MANEA: variants seen among roughly 807,000 people sequenced by gnomAD.
MANEA encodes the protein mannosidase endo-alpha.
Under a neutral mutation model 36.8 loss-of-function variants are expected in MANEA, and 25 were observed. The ratio of observed to expected loss-of-function variants is 0.68; its 90% CI spans 0.50 to 0.95. The LOEUF is 0.95. Ranked by LOEUF, MANEA falls within the 40% of genes least tolerant of loss-of-function variation. The pLI is 0.00. For synonymous variants in MANEA, 198 were observed against 188.5 expected (o/e 1.05, Z -0.41); for missense variants, 565 against 558.8 (o/e 1.01, Z -0.11).
intron 3 of MANEA, among the ~76,000 whole-genome samples, chr6:95,600,006 A>C (rs569714867): frequency 3.9e-5 from 6 of 152,324 alleles, no homozygotes. Flanking sequence ...GCCCTGCCAA[A>C]ATCCTGGAAG....
At chr6:95,588,152 G>T (rs1242968646) in intron 2 of MANEA, 1 of 151,960 alleles carries the variant, frequency 6.6e-6, no homozygotes, top group East Asian at 1.9e-4. Flanking sequence ...TGTTAATATA[G>T]TCTTTGTAAA....
chr6:95,608,810 G>A lies in MANEA; in HGVS notation c.*2405G>A, dbSNP rs962888609. 1.8e-4 allele frequency: 27 copies of A among 151,648 alleles called. No individual in the cohort carries two copies. The highest frequency in any genetic ancestry group is 6.5e-4 in the African/African-American group (27 of 41,476). The allele number at this position is 151,648 out of a possible 1,614,324, so 9.4% of individuals were successfully genotyped here. A position where few individuals can be genotyped will look rare whatever the true frequency, so the allele number is the denominator to read the frequency against. ...ATGCACATCCTCCTGTATACATTAA[G>A]TCATCTCTAGATTATTTATAACACT... On this transcript the variant is annotated 3_prime_UTR_variant, in exon 5 of 5. Transcript: ENST00000358812.
chr6:95,585,978 C>G (rs1278212522), intron 1 of MANEA, among the ~76,000 whole-genome samples: 1 of 152,120 alleles, frequency 6.6e-6, no homozygotes, highest in East Asian at 1.9e-4. Context: ...GCCTGGTCAA[C>G]ATAGTGAGAC....
Position 95,586,479 on chromosome 6 carries a change from C to A in MANEA, c.40C>A (p.Leu14Ile). Residue 14 changes from leucine to isoleucine, a missense_variant, in exon 2 of 5, where the codon CTT becomes ATT. Leu to Ile is a conservative substitution (Grantham distance 5). Coordinates refer to ENST00000358812, the MANE Select transcript of MANEA (RefSeq NM_024641.4). ...FRRRTCIILA[L>I]FILFIFSLMM... is the part of the protein sequence containing the mutation. ...GAGAAGGACTTGCATCATTTTGGCA[C>A]TTTTTATTCTATTTATTTTCTCTCT... is the stretch of plus-strand genomic sequence containing the variant. The A allele has an allele frequency of 6.2e-7, 1 of 1,612,638 alleles. No homozygotes were observed. Among genetic ancestry groups the A allele is most frequent in the Non-Finnish European group, 8.5e-7 (1 of 1,179,458 alleles).
chr6:95,592,166 T>G (rs1769396837), intron 2 of MANEA, among the ~76,000 whole-genome samples: 1 of 152,234 alleles, frequency 6.6e-6, no homozygotes, highest in Admixed American at 6.5e-5. Flanking sequence ...TGACTTGCCT[T>G]GAAGTTTCCT....
intron 4 of MANEA, 93 bp downstream of exon 4, chr6:95,604,996 A>G (rs1769672191): frequency 2.3e-6 from 1 of 436,970 alleles, no homozygotes; most frequent in Non-Finnish European, 4.0e-6. Flanking sequence ...TGAGATTTGA[A>G]TGATTTATGA....
At chr6:95,591,448 C>G (rs1010033050) in intron 2 of MANEA, among the ~76,000 whole-genome samples, 2 of 151,402 alleles carry the variant, frequency 1.3e-5, no homozygotes, top group South Asian at 4.2e-4. Context: ...AGTAGTCTGC[C>G]GTAATTTAAA....
rs1769765377 is a variant in MANEA, at chr6:95,608,780, A to AATC, written c.*2376_*2378dup. The AATC allele has an allele frequency of 6.6e-6, 1 of 151,832 alleles. No homozygotes were observed. Among genetic ancestry groups the AATC allele is most frequent in the Non-Finnish European group, 1.5e-5 (1 of 67,794 alleles). 9.4% of individuals were successfully genotyped at this position (151,832 alleles called of 1,614,324 possible). On this transcript the variant is annotated 3_prime_UTR_variant, in exon 5 of 5. Transcript: ENST00000358812. ...ATAAACTGGCATAGTAGTTGCATAT[A>AATC]ATCTATGCACATCCTCCTGTATACA... is the stretch of plus-strand genomic sequence containing the variant.
Position 95,586,969 on chromosome 6 carries a change from G to A in MANEA, c.530G>A (p.Arg177His), listed in dbSNP as rs776967771. Residue 177 changes from arginine (R) to histidine (H), a missense_variant, in exon 2 of 5, where the codon CGC becomes CAC. Arg to His is a conservative substitution (Grantham distance 29, BLOSUM62 0). Transcript: ENST00000358812. ...SVIETHMRQM[R>H]SASIGVLALS... ...ATAGAAACTCACATGAGACAAATGC[G>A]CTCAGCTTCAATTGGTAATTATTGT... is the stretch of plus-strand genomic sequence containing the variant. The A allele has an allele frequency of 1.8e-5, 28 of 1,596,604 alleles. No individual in the cohort carries two copies. The highest frequency in any genetic ancestry group is 8.1e-5 in the African/African-American group (6 of 74,012).
At chr6:95,581,944 A>G (rs1265907052) in intron 1 of MANEA, among the ~76,000 whole-genome samples, 1 of 152,146 alleles carries the variant, frequency 6.6e-6, no homozygotes, top group African/African-American at 2.4e-5. Context: ...TCATCCAGAC[A>G]TAACTATTTT....
rs545451031 is a variant in MANEA at position 95,600,411 on chromosome 6, T to A, written c.654+3565T>A. Among the ~76,000 whole-genome samples, 6 of 152,318 alleles carry A rather than the reference T, an allele frequency of 3.9e-5. No homozygotes were observed. The East Asian group carries it at 1.2e-3, about 29-fold the overall frequency. On this transcript the variant is annotated intron_variant, in intron 3 of 4. Transcript: ENST00000358812. ...TATTAGTTCCTTGATCTTCTTGGCT[T>A]ATCCCCTTCATTTGTACAATGACAA... is the stretch of plus-strand genomic sequence containing the variant.
In MANEA at chr6:95,606,700, T is replaced by C. The variant is rs1308635886; in HGVS notation, c.*295T>C. 1 of 175,446 alleles carries C rather than the reference T, an allele frequency of 5.7e-6. No homozygotes were observed. The highest frequency in any genetic ancestry group is 2.4e-5 in the African/African-American group (1 of 42,118). 10.9% of individuals were successfully genotyped at this position (175,446 alleles called of 1,614,324 possible). Reference sequence around the variant, plus strand: ...AATTGAATTTTCATTTTACAATAGATAAATGCTTGTGCTACCTAAAGCACT... The same window carrying C: ...AATTGAATTTTCATTTTACAATAGACAAATGCTTGTGCTACCTAAAGCACT... On this transcript the variant is annotated 3_prime_UTR_variant, in exon 5 of 5. Transcript: ENST00000358812.
chr6:95,603,633 G>A (rs1228484675), intron 3 of MANEA, among the ~76,000 whole-genome samples: 1 of 151,894 alleles, frequency 6.6e-6, no homozygotes, highest in Non-Finnish European at 1.5e-5. Context: ...CTTTAATTGG[G>A]TAATTGAAAA....
chr6:95,605,888 G>T lies in MANEA; in HGVS notation c.872G>T (p.Arg291Leu), dbSNP rs769373190. 1.2e-5 allele frequency: 20 copies of T among 1,613,684 alleles called. No individual in the cohort carries two copies. Among genetic ancestry groups the T allele is most frequent in the Non-Finnish European group, 1.6e-5 (19 of 1,179,922 alleles). ...ACCACCTCAGGGTCTCGGAGTATTC[G>T]CAATTCTCCTTATGATGGACTGTTT... ...LLTTSGSRSI[R>L]NSPYDGLFIA... The change falls in exon 5 of 5, where the codon CGC (arginine) becomes CTC (leucine). Residue 291 changes from arginine to leucine, a missense_variant. Transcript: ENST00000358812.
intron 2 of MANEA, among the ~76,000 whole-genome samples, chr6:95,592,389 A>G (rs769816664): frequency 3.3e-5 from 5 of 152,108 alleles, no homozygotes; most frequent in Admixed American, 6.5e-5. Flanking sequence ...GATGATTCCA[A>G]CGTATCTCAT....
rs1176882001 is a variant in MANEA at position 95,596,723 on chromosome 6, G to A, written c.545-14G>A. The A allele has an allele frequency of 1.7e-5, 23 of 1,383,494 alleles. No individual in the cohort carries two copies. Among genetic ancestry groups the A allele is most frequent in the Non-Finnish European group, 2.3e-5 (22 of 976,682 alleles). 85.7% of individuals were successfully genotyped at this position (1,383,494 alleles called of 1,614,324 possible). ...TTCTTGTCTTTTCCCTTTCTTTTTG[G>A]TCTTTTCTATTAGGTGTACTAGCCC... On this transcript the variant is annotated splice_polypyrimidine_tract_variant and intron_variant, in intron 2 of 4. Transcript: ENST00000358812.
chr6:95,577,825 C>G (rs1325500410), intron 1 of MANEA, among the ~76,000 whole-genome samples, 187 bp downstream of exon 1: 1 of 152,210 alleles, frequency 6.6e-6, no homozygotes, highest in Non-Finnish European at 1.5e-5. Context: ...AGCCTGTAGC[C>G]CCCTCGATTA....
chr6:95,580,174 G>A (rs72926325), intron 1 of MANEA, among the ~76,000 whole-genome samples: 7,469 of 152,024 alleles, frequency 0.049, 235 homozygotes, highest in Middle Eastern at 0.068. Flanking sequence ...CTTATCAAGT[G>A]TGTATACGGT....
At chr6:95,579,233 C>T (rs1269980686) in intron 1 of MANEA, among the ~76,000 whole-genome samples, 6 of 152,098 alleles carry the variant, frequency 3.9e-5, no homozygotes, top group African/African-American at 1.2e-4. Flanking sequence ...ATTAGCTGGG[C>T]GTCGTAGCGT....
Sources: allele counts gnomAD v4.1 joint callset (sites outside exome capture counted in the v4.1 genomes callset), GRCh38; gene constraint gnomAD v4.1.1; transcripts MANE v1.5; gene names NCBI Gene and HGNC (gene_info 2026-07-23, HGNC 2026-07-21).